Variants in PDE1C observed in about 807,000 individuals in gnomAD.
PDE1C encodes phosphodiesterase 1C.
A neutral mutation model predicts 93.1 loss-of-function variants in PDE1C; 62 were observed. The ratio of observed to expected loss-of-function variants is 0.67; its 90% CI spans 0.54 to 0.82. The LOEUF (loss-of-function observed/expected upper bound fraction) is 0.82. Ranked by LOEUF, PDE1C falls within the 40% of genes least tolerant of loss-of-function variation. The pLI, the probability that PDE1C is intolerant of heterozygous loss-of-function variation, is 0.00. For synonymous variants in PDE1C, 325 were observed against 310.1 expected (o/e 1.05, Z -0.50); for missense variants, 742 against 884.6 (o/e 0.84, Z 2.04).
the PDE1C span, among the ~76,000 whole-genome samples, chr7:31,731,680 G>A: frequency 2.6e-5 from 4 of 152,148 alleles, no homozygotes; most frequent in African/African-American, 9.6e-5. Context: ...GAGCCACTGC[G>A]CCTGGCCAGA....
At position 31,751,296 on chromosome 7, in the gene PDE1C, A is replaced by C. The variant is rs1794127218; in HGVS notation, c.*2088T>G. On this transcript the variant is annotated 3_prime_UTR_variant, in exon 18 of 18. Coordinates refer to ENST00000396191, the MANE Select transcript of PDE1C (RefSeq NM_001191057.4). ...CAGTGCAAAATCTCAACATCTGTAC[A>C]TTTGCTCCATTAAAATATTAGCAAA... 1 of 152,196 alleles carries C rather than the reference A, an allele frequency of 6.6e-6. No individual in the cohort carries two copies. Among genetic ancestry groups the C allele is most frequent in the Non-Finnish European group, 1.5e-5 (1 of 68,042 alleles). 9.4% of individuals were successfully genotyped at this position (152,196 alleles called of 1,614,324 possible). A position where few individuals can be genotyped will look rare whatever the true frequency, so the allele number is the denominator to read the frequency against.
At chr7:31,983,800 T>C (rs1042395684) in intron 2 of PDE1C, among the ~76,000 whole-genome samples, 2 of 152,108 alleles carry the variant, frequency 1.3e-5, no homozygotes, top group African/African-American at 2.4e-5. Context: ...CTTCACTTAT[T>C]TGTAAAACCA....
chr7:31,638,295 T>A, the PDE1C span, among the ~76,000 whole-genome samples: 1 of 152,184 alleles, frequency 6.6e-6, no homozygotes, highest in Non-Finnish European at 1.5e-5. Flanking sequence ...ACTAGTAAAT[T>A]TCTTATAATA....
At chr7:31,817,406 T>C (rs1309893228) in intron 14 of PDE1C, among the ~76,000 whole-genome samples, 2 of 152,104 alleles carry the variant, frequency 1.3e-5, no homozygotes, top group African/African-American at 2.4e-5. Context: ...TAGTGATAGA[T>C]GACGTGGTCA....
intron 2 of PDE1C, among the ~76,000 whole-genome samples, chr7:32,183,674 G>A (rs576493192): frequency 5.3e-5 from 8 of 152,220 alleles, no homozygotes; most frequent in East Asian, 1.9e-4. Context: ...AGACTTAAAC[G>A]TTAGACCTAA....
chr7:32,427,504 A>C (rs1481628259), intron 1 of PDE1C, among the ~76,000 whole-genome samples: 1 of 152,176 alleles, frequency 6.6e-6, no homozygotes, highest in Non-Finnish European at 1.5e-5. Context: ...GAGATGGGAA[A>C]GGTGCTTCTT....
the PDE1C span, among the ~76,000 whole-genome samples, chr7:31,628,459 TTC>T: frequency 6.8e-6 from 1 of 147,542 alleles, no homozygotes; most frequent in African/African-American, 2.6e-5. Flanking sequence ...TTTTTTTTTT[TTC>T]TTTTTTTTTC....
exon 1 of PDE1C, chr7:32,299,079 C>T (rs1163756586): frequency 9.2e-7 from 1 of 1,088,426 alleles, no homozygotes; most frequent in East Asian, 6.5e-5. Context: ...CCCTGCCTGG[C>T]CACGCTACTC....
the PDE1C span, among the ~76,000 whole-genome samples, chr7:31,693,052 T>C: frequency 3.9e-5 from 6 of 152,218 alleles, no homozygotes; most frequent in African/African-American, 1.4e-4. Context: ...TACCCATTTC[T>C]AAAAATGAGA....
chr7:31,626,850 A>AT, the PDE1C span, among the ~76,000 whole-genome samples: 1 of 152,230 alleles, frequency 6.6e-6, no homozygotes, highest in Non-Finnish European at 1.5e-5. Context: ...TATCTAGCAC[A>AT]TTGCCTAACA....
the PDE1C span, among the ~76,000 whole-genome samples, chr7:31,654,756 G>A: frequency 6.6e-6 from 1 of 152,180 alleles, no homozygotes; most frequent in Non-Finnish European, 1.5e-5. Flanking sequence ...GTAATGCCAT[G>A]AGGGAAGTTT....
intron 3 of PDE1C, among the ~76,000 whole-genome samples, chr7:32,126,134 A>T (rs1301014652): frequency 6.6e-6 from 1 of 152,076 alleles, no homozygotes; most frequent in Non-Finnish European, 1.5e-5. Flanking sequence ...GTCACTGGAA[A>T]CCATTATTCC....
chr7:31,906,255 T>A (rs1800573610), intron 2 of PDE1C, among the ~76,000 whole-genome samples: 1 of 152,230 alleles, frequency 6.6e-6, no homozygotes. Context: ...ATCTCACTTA[T>A]TCTTACATCA....
At chr7:31,665,600 G>A in the PDE1C span, among the ~76,000 whole-genome samples, 1 of 152,172 alleles carries the variant, frequency 6.6e-6, no homozygotes, top group Non-Finnish European at 1.5e-5. Context: ...GGAATTTTTA[G>A]TTTGGGGAGG....
intron 1 of PDE1C, among the ~76,000 whole-genome samples, chr7:32,314,897 C>T (rs372923328): frequency 1.3e-5 from 2 of 151,750 alleles, no homozygotes; most frequent in Non-Finnish European, 2.9e-5. Flanking sequence ...AACTTTTTTC[C>T]AGCTTATTCA....
chr7:32,268,359 C>T (rs1487753721), intron 1 of PDE1C, among the ~76,000 whole-genome samples: 2 of 152,130 alleles, frequency 1.3e-5, no homozygotes, highest in Admixed American at 6.5e-5. Flanking sequence ...ACCCACATCT[C>T]CCGCCTCAGT....
chr7:31,661,153 T>C, the PDE1C span, among the ~76,000 whole-genome samples: 1 of 152,182 alleles, frequency 6.6e-6, no homozygotes, highest in Admixed American at 6.5e-5. Context: ...ATCAGTCAGT[T>C]TGCCACATTC....
At chr7:31,764,220 G>A (rs961182516) in intron 17 of PDE1C, among the ~76,000 whole-genome samples, 7 of 151,986 alleles carry the variant, frequency 4.6e-5, no homozygotes, top group African/African-American at 1.7e-4. Flanking sequence ...GCACAATCTC[G>A]GCTCACTGCA....
intron 2 of PDE1C, among the ~76,000 whole-genome samples, chr7:32,026,488 C>A (rs1789455569): frequency 6.6e-6 from 1 of 152,250 alleles, no homozygotes; most frequent in Non-Finnish European, 1.5e-5. Context: ...CATTGCACAC[C>A]TATTACAACG....
Sources: gnomAD v4.1 joint callset for allele counts (sites outside exome capture counted in the v4.1 genomes callset) on GRCh38, gnomAD v4.1.1 for gene constraint, MANE v1.5 for transcripts, NCBI Gene and HGNC (gene_info 2026-07-23, HGNC 2026-07-21) for gene names.